The following DDX23 variants were observed in gnomAD, a reference collection of about 807,000 sequenced individuals.
DDX23 encodes DEAD-box helicase 23.
A neutral mutation model predicts 102.7 loss-of-function variants in DDX23; 33 were observed. That is an observed-to-expected ratio of 0.32 (90% CI 0.24 to 0.43). The LOEUF is 0.43. Among genes scored for constraint, DDX23 ranks in the 20% least tolerant of loss-of-function variants. DDX23 has a pLI of 1.00. For missense variants in DDX23, 549 were observed against 1,086.6 expected (o/e 0.51, Z 6.96); for synonymous variants, 352 against 376.0 (o/e 0.94, Z 0.74).
chr12:48,851,969 C>T (rs1324616470), intron 1 of DDX23, 115 bp downstream of exon 1: 2 of 152,540 alleles, frequency 1.3e-5, no homozygotes, highest in Admixed American at 1.3e-4. Flanking sequence ...GGGTTCATGC[C>T]CCTTCTCTGA....
chr12:48,851,840 T>C (rs1938764577), intron 1 of DDX23, among the ~76,000 whole-genome samples: 1 of 152,246 alleles, frequency 6.6e-6, no homozygotes, highest in Non-Finnish European at 1.5e-5. Flanking sequence ...TCAGAGGCGC[T>C]GTGCCCATAG....
intron 3 of DDX23, among the ~76,000 whole-genome samples, chr12:48,843,172 G>C (rs1429784600): frequency 4.0e-5 from 6 of 149,990 alleles, no homozygotes; most frequent in African/African-American, 1.5e-4. Flanking sequence ...GAAGGCCGCA[G>C]GGTCCTCTGC....
At chr12:48,837,840 A>G in intron 6 of DDX23, 102 bp downstream of exon 6, 1 of 1,561,636 alleles carries the variant, frequency 6.4e-7, no homozygotes, top group East Asian at 2.2e-5. Flanking sequence ...TCCCCTTTCC[A>G]AACTCCAGAG....
rs1445514667 is a variant in DDX23 at position 48,832,979 on chromosome 12, TACA to T, written c.1803+295_1803+297del. The T allele has an allele frequency of 6.4e-6, 3 of 468,154 alleles. No homozygotes were observed. Among genetic ancestry groups the T allele is most frequent in the Non-Finnish European group, 1.2e-5 (3 of 260,848 alleles). 29.0% of individuals were successfully genotyped at this position (468,154 alleles called of 1,614,324 possible). ...GCCCAAAAGGAGGTTGGCAACCTTG[TACA>T]ACTTTTCTTTTTTTTTGAGACAGGG... On this transcript the variant is annotated intron_variant, in intron 13 of 16. Coordinates refer to ENST00000308025, the MANE Select transcript of DDX23 (RefSeq NM_004818.3). The surrounding 1 kb of genome is among the most constrained non-coding windows in gnomAD (Gnocchi z 4.4).
chr12:48,833,657 A>G, intron 12 of DDX23, 138 bp from the exon 13 acceptor site: 1 of 1,081,758 alleles, frequency 9.2e-7, no homozygotes, highest in Non-Finnish European at 1.3e-6. Context: ...TTTAGCAGTA[A>G]AGGCTCCTGC....
Position 48,832,526 on chromosome 12 carries a change from G to A in DDX23, c.1851C>T (p.Ala617=), listed in dbSNP as rs754162933. The A allele has an allele frequency of 8.1e-6, 13 of 1,614,026 alleles. No homozygotes were observed. The highest frequency in any genetic ancestry group is 1.7e-5 in the Admixed American group (1 of 59,996). Residue 617 remains alanine (A), a synonymous_variant, in exon 14 of 17, where the codon GCC becomes GCT. Coordinates refer to ENST00000308025, the MANE Select transcript of DDX23 (RefSeq NM_004818.3). This position sits in a 1 kb window ranked among gnomAD's most constrained non-coding sequence, Gnocchi z 4.4. ...CAGCAGGTCGCCGAAGATAGCTCCTGGCCAGACGCTCCACCGCTGGGGGCA... is the reference window on the plus strand; with the variant it reads ...CAGCAGGTCGCCGAAGATAGCTCCTAGCCAGACGCTCCACCGCTGGGGGCA... ...ATMPPAVERL[A]RSYLRRPAVV...
chr12:48,842,897 C>T (rs1938592990), intron 3 of DDX23, among the ~76,000 whole-genome samples: 1 of 151,722 alleles, frequency 6.6e-6, no homozygotes, highest in Non-Finnish European at 1.5e-5. Context: ...CGGATGGTTG[C>T]CGTGTCTGTG....
chr12:48,832,363 A>T lies in DDX23; in HGVS notation c.1955+59T>A. Reference sequence around the variant, plus strand: ...GCCCTGCCCTGCACCTGCACTAAAAAAGTTCTCAGAGCCATTTTATTCTCC... The same window carrying T: ...GCCCTGCCCTGCACCTGCACTAAAATAGTTCTCAGAGCCATTTTATTCTCC... On this transcript the variant is annotated intron_variant, in intron 14 of 16. Transcript: ENST00000308025. This position sits in a 1 kb window ranked among gnomAD's most constrained non-coding sequence, Gnocchi z 4.4. The T allele has an allele frequency of 6.3e-7, 1 of 1,593,562 alleles. No individual in the cohort carries two copies. Among genetic ancestry groups the T allele is most frequent in the Non-Finnish European group, 8.6e-7 (1 of 1,166,098 alleles).
In DDX23 at chr12:48,838,066, A is replaced by G. The variant is rs374190607; in HGVS notation, c.495T>C (p.Ser165=). 3.1e-6 allele frequency: 5 copies of G among 1,614,080 alleles called. No homozygotes were observed. The highest frequency in any genetic ancestry group is 2.7e-5 in the African/African-American group (2 of 74,928). Residue 165 remains serine (S), a synonymous_variant, in exon 6 of 17, where the codon TCT becomes TCC. Coordinates refer to ENST00000308025, the MANE Select transcript of DDX23 (RefSeq NM_004818.3). ...EEAEAKPKFL[S]KAEREAEALK... ...GAGCTTCAGCCTCTCGTTCTGCTTT[A>G]GAGAGGAACTTGGGCTACAAAAGAG...
At chr12:48,843,308 A>C (rs1166857427) in intron 3 of DDX23, among the ~76,000 whole-genome samples, 2 of 142,922 alleles carry the variant, frequency 1.4e-5, no homozygotes, top group African/African-American at 5.9e-5. Context: ...AAAAAAAAAA[A>C]CCCAAAAAAA....
chr12:48,845,382 G>A (rs940026626), intron 2 of DDX23, among the ~76,000 whole-genome samples, 192 bp downstream of exon 2: 56 of 152,292 alleles, frequency 3.7e-4, no homozygotes, highest in African/African-American at 1.3e-3. Context: ...GTGAACCTGC[G>A]AGGCGGAGCT....
intron 11 of DDX23, among the ~76,000 whole-genome samples, chr12:48,835,704 C>A (rs1045493515): frequency 6.6e-6 from 1 of 151,746 alleles, no homozygotes; most frequent in South Asian, 2.1e-4. Flanking sequence ...GAGCGAAACT[C>A]CGTCTCAAAA....
intron 3 of DDX23, among the ~76,000 whole-genome samples, chr12:48,842,888 G>A (rs1202231767): frequency 3.3e-5 from 5 of 152,050 alleles, no homozygotes; most frequent in South Asian, 2.1e-4. Flanking sequence ...TTGAGAAATC[G>A]GATGGTTGCC....
Position 48,845,654 on chromosome 12 carries a change from A to G in DDX23, c.129T>C (p.Asp43=), listed in dbSNP as rs1938654529. ...TATCCCTTGAACGATGCCGCTTTCT[A>G]TCTTTAGATGGGGAAGACTTCCGGT... ...DRDRKSSPSK[D]RKRHRSRDRR... The change falls in exon 2 of 17, where the codon GAT becomes GAC. Residue 43 remains aspartate, a synonymous_variant. Transcript: ENST00000308025. 2 of 1,614,192 alleles carry G rather than the reference A, an allele frequency of 1.2e-6. No homozygotes were observed.
intron 1 of DDX23, among the ~76,000 whole-genome samples, chr12:48,846,469 T>G (rs374466217): frequency 1.6e-4 from 24 of 152,348 alleles, no homozygotes; most frequent in African/African-American, 4.6e-4. Context: ...CTGAGAGAGA[T>G]AAATTTTCTT....
chr12:48,833,681 A>G (rs1262474638), intron 12 of DDX23, 162 bp from the exon 13 acceptor site: 1 of 841,992 alleles, frequency 1.2e-6, no homozygotes, highest in Non-Finnish European at 1.8e-6. Context: ...CTGGCATGAA[A>G]TCACTTGTTG....
chr12:48,831,440 G>A (rs1938384917), intron 15 of DDX23, 124 bp from the exon 16 acceptor site: 1 of 887,654 alleles, frequency 1.1e-6, no homozygotes, highest in Non-Finnish European at 1.8e-6. Flanking sequence ...GAAAGGAAAG[G>A]AAACAAGAGA....
chr12:48,831,440 G>T, intron 15 of DDX23, 124 bp from the exon 16 acceptor site: 1 of 887,654 alleles, frequency 1.1e-6, no homozygotes, highest in Non-Finnish European at 1.8e-6. Context: ...GAAAGGAAAG[G>T]AAACAAGAGA....
intron 1 of DDX23, chr12:48,847,129 C>T (rs1172456097): frequency 6.6e-6 from 1 of 152,226 alleles, no homozygotes; most frequent in African/African-American, 2.4e-5. Context: ...ACAAGAAGCA[C>T]TTTCAAAAGG....
Sources: allele counts gnomAD v4.1 joint callset (sites outside exome capture counted in the v4.1 genomes callset), GRCh38; gene constraint gnomAD v4.1.1; non-coding constraint Gnocchi (gnomAD v3.1); transcripts MANE v1.5; gene names NCBI Gene and HGNC (gene_info 2026-07-23, HGNC 2026-07-21).